Variants in KIAA1549 observed in about 807,000 individuals in gnomAD.
The protein encoded by KIAA1549 is KIAA1549.
KIAA1549 carries 70 observed loss-of-function variants against 156.4 expected under a neutral mutation model. That is an observed-to-expected ratio of 0.45 (90% CI 0.37 to 0.55). The LOEUF (loss-of-function observed/expected upper bound fraction) is 0.55. Among genes scored for constraint, KIAA1549 ranks in the 20% least tolerant of loss-of-function variants. The pLI, the probability that KIAA1549 is intolerant of heterozygous loss-of-function variation, is 0.00. For missense variants in KIAA1549, 2,428 were observed against 2,540.9 expected, an observed-to-expected ratio of 0.96 and a Z score of 0.96; for synonymous variants, 1,103 against 1,066.4, an observed-to-expected ratio of 1.03 and a Z score of -0.67.
At chr7:138,951,596 A>G (rs1039984810) in intron 1 of KIAA1549, among the ~76,000 whole-genome samples, 3 of 152,176 alleles carry the variant, frequency 2.0e-5, no homozygotes, top group African/African-American at 7.2e-5. Flanking sequence ...CACTTGTCAG[A>G]TGACGACACC....
Position 138,918,175 on chromosome 7 carries a change from A to G in KIAA1549, c.1451T>C (p.Leu484Pro). 6.2e-7 allele frequency: 1 copy of G among 1,613,984 alleles called. No individual in the cohort carries two copies. Among genetic ancestry groups the G allele is most frequent in the Non-Finnish European group, 8.5e-7 (1 of 1,179,868 alleles). ...TGGGACGATAGGTCTGGAGGGGAAAAGCGTATTAAATACTTGAGGATCTTC... is the reference window on the plus strand; with the variant it reads ...TGGGACGATAGGTCTGGAGGGGAAAGGCGTATTAAATACTTGAGGATCTTC... ...FEEDPQVFNTLFPSRPIVPLS... is the reference protein window; with the variant it reads ...FEEDPQVFNTPFPSRPIVPLS... The change falls in exon 2 of 20, where the codon CTT (leucine) becomes CCT (proline). Residue 484 changes from leucine to proline, a missense_variant. Transcript: ENST00000422774. This position sits in a 1 kb window ranked among gnomAD's most constrained non-coding sequence, Gnocchi z 4.2.
chr7:138,958,338 A>G (rs958285376), intron 1 of KIAA1549, among the ~76,000 whole-genome samples: 2 of 152,168 alleles, frequency 1.3e-5, no homozygotes, highest in African/African-American at 2.4e-5. Flanking sequence ...GGGACGGGCA[A>G]CTATCCCAAG....
At chr7:138,900,174 C>T (rs539957373) in intron 8 of KIAA1549, among the ~76,000 whole-genome samples, 38 of 152,198 alleles carry the variant, frequency 2.5e-4, no homozygotes, top group Non-Finnish European at 4.9e-4. Flanking sequence ...CCTCCTTCAC[C>T]ACGGGAAACT....
At chr7:138,952,299 T>C (rs1310077427) in intron 1 of KIAA1549, among the ~76,000 whole-genome samples, 1 of 152,176 alleles carries the variant, frequency 6.6e-6, no homozygotes, top group Non-Finnish European at 1.5e-5. Context: ...ATTAATAACA[T>C]GGCCTAGAAA....
rs752370713 is a variant in KIAA1549 at position 138,917,757 on chromosome 7, T to C, written c.1869A>G (p.Ala623=). Residue 623 remains alanine, a synonymous_variant, in exon 2 of 20, where the codon GCA becomes GCG. Transcript: ENST00000422774. ...EHKPRGALDF[A]SSFFSTPPLE... The stretch of plus-strand genomic sequence containing the variant: ...GCGGGGGTGTTGAGAAAAAGCTGGA[T>C]GCAAAATCCAAAGCACCTCTGGGTT... 7.6e-6 allele frequency: 12 copies of C among 1,581,656 alleles called. No individual in the cohort carries two copies. The highest frequency in any genetic ancestry group is 6.8e-5 in the African/African-American group (5 of 74,014).
intron 1 of KIAA1549, among the ~76,000 whole-genome samples, chr7:138,947,329 C>T (rs1813368063): frequency 6.6e-6 from 1 of 152,084 alleles, no homozygotes; most frequent in Admixed American, 6.6e-5. Context: ...CTTAATTTCC[C>T]CAACCACCCC....
intron 1 of KIAA1549, among the ~76,000 whole-genome samples, chr7:138,923,870 A>C (rs1194180481): frequency 6.6e-6 from 1 of 152,234 alleles, no homozygotes; most frequent in Non-Finnish European, 1.5e-5. Flanking sequence ...CCATAGATAA[A>C]ATATTTCTAG....
chr7:138,929,163 A>C (rs1812803876), intron 1 of KIAA1549, among the ~76,000 whole-genome samples: 1 of 152,232 alleles, frequency 6.6e-6, no homozygotes, highest in Non-Finnish European at 1.5e-5. Context: ...GCTGTTTGAT[A>C]GCATTTGGCC....
chr7:138,935,027 G>C (rs78860023), intron 1 of KIAA1549, among the ~76,000 whole-genome samples: 1 of 152,078 alleles, frequency 6.6e-6, no homozygotes. Context: ...AGTGCCCCCC[G>C]GAGAAATCCC....
chr7:138,839,461 C>T (rs556551103), intron 19 of KIAA1549, among the ~76,000 whole-genome samples: 3 of 152,240 alleles, frequency 2.0e-5, no homozygotes, highest in East Asian at 1.9e-4. Flanking sequence ...TACAAAATTA[C>T]CTACACATGG....
rs1811630542 is a variant in KIAA1549, at chr7:138,894,496, T to A, written c.3878A>T (p.Glu1293Val). ...PVDRVKRPSP[E>V]SQSNNLWVIV... ...GACCCACAAGTTGTTGCTCTGGGAT[T>A]CCGGAGACGGCCTCTTCACCCTGTC... The change falls in exon 10 of 20, where the codon GAA (glutamate) becomes GTA (valine). Residue 1293 changes from glutamate (E) to valine (V), a missense_variant. By Grantham distance (121) the Glu-to-Val change is moderately radical. Transcript: ENST00000422774. 6.2e-7 allele frequency: 1 copy of A among 1,613,876 alleles called. No homozygotes were observed. Among genetic ancestry groups the A allele is most frequent in the Admixed American group, 1.7e-5 (1 of 59,996 alleles).
At chr7:138,927,636 TA>T (rs1240928331) in intron 1 of KIAA1549, among the ~76,000 whole-genome samples, 1 of 152,138 alleles carries the variant, frequency 6.6e-6, no homozygotes, top group East Asian at 1.9e-4. Flanking sequence ...GACTTCGTCT[TA>T]AAAAAATAAA....
intron 1 of KIAA1549, among the ~76,000 whole-genome samples, chr7:138,931,098 C>T (rs1314093198): frequency 6.6e-6 from 1 of 152,154 alleles, no homozygotes; most frequent in African/African-American, 2.4e-5. Context: ...GCAGTTAGGA[C>T]ACGCACATTT....
At position 138,834,883 on chromosome 7, in the gene KIAA1549, C is replaced by T. The variant is rs1481600513; in HGVS notation, c.*3023G>A. On this transcript the variant is annotated 3_prime_UTR_variant, in exon 20 of 20. Coordinates refer to ENST00000422774, the MANE Select transcript of KIAA1549 (RefSeq NM_001164665.2). ...CACAACTACGGTGCCTGGGAGGTGGCGGGGGAGGTCTGTTCTTGTTTGGCT... is the reference window on the plus strand; with the variant it reads ...CACAACTACGGTGCCTGGGAGGTGGTGGGGGAGGTCTGTTCTTGTTTGGCT... The T allele has an allele frequency of 9.1e-6, 2 of 220,916 alleles. No homozygotes were observed. Among genetic ancestry groups the T allele is most frequent in the South Asian group, 1.9e-4 (1 of 5,244 alleles). 13.7% of individuals were successfully genotyped at this position (220,916 alleles called of 1,614,324 possible).
chr7:138,872,742 C>G (rs1366269245), intron 12 of KIAA1549, among the ~76,000 whole-genome samples: 1 of 152,130 alleles, frequency 6.6e-6, no homozygotes, highest in African/African-American at 2.4e-5. Context: ...CTTGTCTCTA[C>G]AATTTTTTTT....
intron 4 of KIAA1549, 25 bp from the exon 5 acceptor site, chr7:138,909,146 C>T (rs1812097285): frequency 1.2e-6 from 2 of 1,601,050 alleles, no homozygotes; most frequent in Non-Finnish European, 1.7e-6. Flanking sequence ...AATCAAAGTC[C>T]CATAAATGAG....
At position 138,911,180 on chromosome 7, in the gene KIAA1549, GA is replaced by G; in HGVS notation, c.3110del (p.Phe1037SerfsTer36). The part of the protein sequence containing the change: ...TPLILSVKPS[F>X]LVPESRFQVQ... ...CTTGGAACCTGGACTCTGGCACAAG[GA>G]AAGAAGGTTTCACAGACAGGATTAA... On this transcript the variant is annotated frameshift_variant, in exon 4 of 20. Transcript: ENST00000422774. LOFTEE classifies it high-confidence loss of function. 6.3e-7 allele frequency: 1 copy of G among 1,599,892 alleles called. No homozygotes were observed. The highest frequency in any genetic ancestry group is 2.2e-5 in the East Asian group (1 of 44,480).
intron 8 of KIAA1549, 86 bp from the exon 9 acceptor site, chr7:138,899,218 C>T: frequency 5.7e-6 from 7 of 1,230,130 alleles, no homozygotes; most frequent in Non-Finnish European, 8.3e-6. Context: ...GGCTGTGTCA[C>T]TCAGGATTTA....
rs757901950 is a variant in KIAA1549 at position 138,918,908 on chromosome 7, C to T, written c.718G>A (p.Glu240Lys). The change falls in exon 2 of 20, where the codon GAG becomes AAG. Residue 240 changes from glutamate to lysine, a missense_variant. This residue lies in a region of KIAA1549 where 893 missense variants were observed against 847.9 expected (regional missense o/e 1.05). Transcript: ENST00000422774. The surrounding 1 kb of genome is among the most constrained non-coding windows in gnomAD (Gnocchi z 4.2). Reference sequence around the variant, plus strand: ...CTGCCAGGAGTTGGAACGATGCCCTCAGAGGTGCGAAAAGCTGACCGAAAG... The same window carrying T: ...CTGCCAGGAGTTGGAACGATGCCCTTAGAGGTGCGAAAAGCTGACCGAAAG... Reference protein sequence around the residue: ...HTFRSAFRTSEGIVPTPGRNL... With the variant: ...HTFRSAFRTSKGIVPTPGRNL... 5.6e-6 allele frequency: 9 copies of T among 1,614,018 alleles called. No homozygotes were observed. The highest frequency in any genetic ancestry group is 7.6e-6 in the Non-Finnish European group (9 of 1,179,894).
Sources: allele counts gnomAD v4.1 joint callset (sites outside exome capture counted in the v4.1 genomes callset), GRCh38; gene constraint gnomAD v4.1.1; regional missense constraint gnomAD v4.1.1; non-coding constraint Gnocchi (gnomAD v3.1); transcripts MANE v1.5; gene names NCBI Gene and HGNC (gene_info 2026-07-23, HGNC 2026-07-21).